CEP63: variants seen among roughly 807,000 people sequenced by gnomAD.
The protein encoded by CEP63 is centrosomal protein of 63 kDa.
CEP63 carries 84 observed loss-of-function variants against 89.1 expected under a neutral mutation model. The ratio of observed to expected loss-of-function variants is 0.94; its 90% CI spans 0.79 to 1.13. CEP63 has a LOEUF of 1.13. Ranked by LOEUF, CEP63 falls within the 50% of genes most tolerant of loss-of-function variation. CEP63 has a pLI of 0.00. For missense variants in CEP63, 838 were observed against 813.3 expected, an observed-to-expected ratio of 1.03 and a Z score of -0.37; for synonymous variants, 267 against 272.5, an observed-to-expected ratio of 0.98 and a Z score of 0.20.
chr3:134,654,743 G>A, the CEP63 span, among the ~76,000 whole-genome samples: 1 of 152,210 alleles, frequency 6.6e-6, no homozygotes, highest in East Asian at 1.9e-4. Flanking sequence ...CATCCTTCAA[G>A]ACCCTGTGGG....
At chr3:134,677,286 T>A in the CEP63 span, among the ~76,000 whole-genome samples, 1 of 152,186 alleles carries the variant, frequency 6.6e-6, no homozygotes, top group Non-Finnish European at 1.5e-5. Context: ...TGACTTTACT[T>A]CGCACCCTTT....
the CEP63 span, among the ~76,000 whole-genome samples, chr3:134,723,702 A>G: frequency 6.6e-6 from 1 of 152,178 alleles, no homozygotes; most frequent in Non-Finnish European, 1.5e-5. Flanking sequence ...AGGATGGCTT[A>G]GGAGGTGTCT....
At chr3:134,665,715 AGAGAGAGAGACAGG>A in the CEP63 span, among the ~76,000 whole-genome samples, 2 of 141,616 alleles carry the variant, frequency 1.4e-5, no homozygotes, top group African/African-American at 2.5e-5. Flanking sequence ...AGAGAGAGAG[AGAGAGAGAGACAGG>A]GACAGAGCGA....
chr3:134,747,889 G>A, the CEP63 span, among the ~76,000 whole-genome samples: 6 of 152,128 alleles, frequency 3.9e-5, no homozygotes, highest in East Asian at 1.9e-4. Flanking sequence ...GGGTTGAAGC[G>A]ATTCTCCTGC....
the CEP63 span, chr3:134,651,596 G>C: frequency 1.0e-6 from 1 of 988,902 alleles, no homozygotes; most frequent in South Asian, 4.7e-5. Context: ...GAGGGAGTTG[G>C]GTGGGGTGTT....
At chr3:134,745,914 C>A in the CEP63 span, among the ~76,000 whole-genome samples, 6 of 142,872 alleles carry the variant, frequency 4.2e-5, no homozygotes, top group Non-Finnish European at 9.3e-5. Flanking sequence ...GCCACATTTT[C>A]TTTTCTTTTT....
the CEP63 span, among the ~76,000 whole-genome samples, chr3:134,717,997 A>G: frequency 5.3e-5 from 8 of 152,162 alleles, no homozygotes; most frequent in Admixed American, 2.0e-4. Context: ...ATGAGCACCC[A>G]GGTTACTTTT....
At chr3:134,676,333 G>T in the CEP63 span, among the ~76,000 whole-genome samples, 2 of 152,166 alleles carry the variant, frequency 1.3e-5, no homozygotes, top group Non-Finnish European at 2.9e-5. Context: ...AATCACAAAA[G>T]ATGACATATC....
the CEP63 span, among the ~76,000 whole-genome samples, chr3:134,656,740 C>A: frequency 6.6e-6 from 1 of 152,130 alleles, no homozygotes. Context: ...AGACACAGAG[C>A]CTCCACCTAA....
the CEP63 span, among the ~76,000 whole-genome samples, chr3:134,637,498 C>G: frequency 7.4e-4 from 113 of 152,306 alleles, no homozygotes; most frequent in African/African-American, 2.7e-3. Context: ...GTAAAGAACT[C>G]TATTTGACCC....
the CEP63 span, among the ~76,000 whole-genome samples, chr3:134,662,858 C>A: frequency 6.6e-6 from 1 of 152,184 alleles, no homozygotes; most frequent in Non-Finnish European, 1.5e-5. Context: ...CCAGGTTGTG[C>A]CTGTTTGACA....
the CEP63 span, chr3:134,779,962 G>A: frequency 6.6e-6 from 1 of 152,146 alleles, no homozygotes; most frequent in Non-Finnish European, 1.5e-5. Flanking sequence ...AATACATAAA[G>A]AAGCACATGT....
rs749608955 is a variant in CEP63, at chr3:134,561,821, T to G, written c.*286T>G. The G allele has an allele frequency of 1.4e-4, 172 of 1,217,054 alleles. No homozygotes were observed. Among genetic ancestry groups the G allele is most frequent in the Non-Finnish European group, 1.7e-4 (167 of 968,350 alleles). The allele number at this position is 1,217,054 out of a possible 1,614,324, so 75.4% of individuals were successfully genotyped here. ...ATAAAGTGATACTTACCTTGCTGAC[T>G]TAAATGTGAATAGCTATGTACTAAT... is the stretch of plus-strand genomic sequence containing the variant. On this transcript the variant is annotated 3_prime_UTR_variant, in exon 15 of 15. Coordinates refer to ENST00000675561, the MANE Select transcript of CEP63 (RefSeq NM_001353108.3).
At chr3:134,485,953 G>T (rs1409057206), upstream of CEP63, 2 of 982,040 alleles carry the variant, frequency 2.0e-6, no homozygotes, top group East Asian at 1.2e-4. Context: ...AACCCTTACC[G>T]GCACCCGGCC....
At chr3:134,537,925 T>C (rs1364223335) in intron 6 of CEP63, among the ~76,000 whole-genome samples, 2 of 152,222 alleles carry the variant, frequency 1.3e-5, no homozygotes, top group Non-Finnish European at 2.9e-5. Flanking sequence ...GAAACTTTTC[T>C]TGTAATGGCT....
intron 10 of CEP63, among the ~76,000 whole-genome samples, chr3:134,580,385 G>A (rs942884761): frequency 6.6e-6 from 1 of 151,044 alleles, no homozygotes; most frequent in South Asian, 2.1e-4. Flanking sequence ...ACAACTCTAA[G>A]AATTTACAAA....
the CEP63 span, among the ~76,000 whole-genome samples, chr3:134,715,784 T>C: frequency 6.6e-6 from 1 of 152,154 alleles, no homozygotes; most frequent in Non-Finnish European, 1.5e-5. Flanking sequence ...AAAATTTCTG[T>C]TTACTAGCCC....
intron 5 of CEP63, among the ~76,000 whole-genome samples, chr3:134,533,944 T>TC (rs1950293353): frequency 6.6e-6 from 1 of 152,154 alleles, no homozygotes. Flanking sequence ...AGCTACTGCT[T>TC]CCCTTCCACC....
At chr3:134,663,322 G>C in the CEP63 span, among the ~76,000 whole-genome samples, 2 of 152,158 alleles carry the variant, frequency 1.3e-5, no homozygotes, top group Non-Finnish European at 2.9e-5. Flanking sequence ...CAAATGTTTA[G>C]GTAGGTGGCT....
Sources: gnomAD v4.1 joint callset for allele counts (sites outside exome capture counted in the v4.1 genomes callset) on GRCh38, gnomAD v4.1.1 for gene constraint, MANE v1.5 for transcripts, NCBI Gene and HGNC (gene_info 2026-07-23, HGNC 2026-07-21) for gene names.